DDX60L: variants seen among roughly 807,000 people sequenced by gnomAD.
DDX60L encodes the protein DExD/H-box 60 like.
In DDX60L, 191 loss-of-function variants were observed where a neutral mutation model predicts 211.6. The ratio of observed to expected loss-of-function variants is 0.90; its 90% CI spans 0.80 to 1.02. The LOEUF (loss-of-function observed/expected upper bound fraction) is 1.02. Among genes scored for constraint, DDX60L ranks in the 50% least tolerant of loss-of-function variants. The probability of loss-of-function intolerance (pLI) is 0.00; values close to 1 mark genes in which losing one functional copy is unlikely to be tolerated. For missense variants in DDX60L, 2,007 were observed against 1,984.1 expected, an observed-to-expected ratio of 1.01 and a Z score of -0.22; for synonymous variants, 706 against 694.1, an observed-to-expected ratio of 1.02 and a Z score of -0.27.
chr4:168,363,640 T>C (rs1053046179), intron 36 of DDX60L, among the ~76,000 whole-genome samples: 1 of 152,188 alleles, frequency 6.6e-6, no homozygotes. Flanking sequence ...AAATAGTCTA[T>C]TATAACTACA....
At chr4:168,366,056 A>C (rs1484133696) in intron 36 of DDX60L, among the ~76,000 whole-genome samples, 1 of 152,198 alleles carries the variant, frequency 6.6e-6, no homozygotes, top group Non-Finnish European at 1.5e-5. Flanking sequence ...ACAAATCCAT[A>C]GCTAACATCA....
intron 13 of DDX60L, among the ~76,000 whole-genome samples, chr4:168,429,292 C>T (rs960606689): frequency 1.3e-5 from 2 of 152,024 alleles, no homozygotes; most frequent in Non-Finnish European, 2.9e-5. Flanking sequence ...TTACAGGCAC[C>T]CGCCACCATT....
intron 10 of DDX60L, among the ~76,000 whole-genome samples, chr4:168,437,561 CA>C (rs1257811830): frequency 3.3e-5 from 5 of 152,154 alleles, no homozygotes; most frequent in African/African-American, 1.2e-4. Context: ...AGCCACGATG[CA>C]AAGGAAAGTC....
chr4:168,421,813 T>C lies in DDX60L; in HGVS notation c.2341A>G (p.Lys781Glu). The C allele has an allele frequency of 6.2e-7, 1 of 1,614,168 alleles. No individual in the cohort carries two copies. Among genetic ancestry groups the C allele is most frequent in the Non-Finnish European group, 8.5e-7 (1 of 1,180,020 alleles). The change falls in exon 17 of 38, where the codon AAA becomes GAA. Residue 781 changes from lysine to glutamate, a missense_variant. Physicochemically the swap from Lys to Glu is moderately conservative, Grantham distance 56. Transcript: ENST00000682922. Reference protein sequence around the residue: ...KTYASYYCMEKVLRESDVGVV... With the variant: ...KTYASYYCMEEVLRESDVGVV... ...CCGACATCGCTCTCCCTCAGCACTT[T>C]CTCCATGCAGTAGTAGGAAGCATAG...
intron 29 of DDX60L, among the ~76,000 whole-genome samples, chr4:168,385,197 G>A (rs1329079109): frequency 6.6e-6 from 1 of 152,122 alleles, no homozygotes; most frequent in Non-Finnish European, 1.5e-5. Flanking sequence ...CAATTTCTGG[G>A]GAAGGGAGAA....
At chr4:168,402,144 T>C (rs932822894) in intron 25 of DDX60L, among the ~76,000 whole-genome samples, 2 of 149,518 alleles carry the variant, frequency 1.3e-5, no homozygotes, top group African/African-American at 2.5e-5. Context: ...TTTTTTTTTT[T>C]TGAGACAGGC....
chr4:168,427,397 T>C, intron 13 of DDX60L, 75 bp from the exon 14 acceptor site: 1 of 1,495,466 alleles, frequency 6.7e-7, no homozygotes, highest in Non-Finnish European at 9.0e-7. Context: ...GAGATTATTT[T>C]TTGTGCACTT....
Position 168,472,485 on chromosome 4 carries a change from T to G in DDX60L, c.44A>C (p.Gln15Pro), listed in dbSNP as rs1345103832. 6.4e-7 allele frequency: 1 copy of G among 1,573,452 alleles called. No individual in the cohort carries two copies. The highest frequency in any genetic ancestry group is 8.6e-7 in the Non-Finnish European group (1 of 1,157,934). Residue 15 changes from glutamine to proline, a missense_variant, in exon 3 of 38, where the codon CAG becomes CCG. Physicochemically the swap from Gln to Pro is moderately conservative, Grantham distance 76 (BLOSUM62 -1). Transcript: ENST00000682922. ...DHAVFFREMT[Q>P]LILNEMPKAG... Reference sequence around the variant, plus strand: ...TTTTGGCATTTCATTCAAAATTAACTGTGTCATTTCCCTGAAAAATACTGC... The same window carrying G: ...TTTTGGCATTTCATTCAAAATTAACGGTGTCATTTCCCTGAAAAATACTGC...
chr4:168,452,957 T>C (rs1005455686), intron 8 of DDX60L, among the ~76,000 whole-genome samples, 167 bp downstream of exon 8: 3 of 152,176 alleles, frequency 2.0e-5, no homozygotes, highest in African/African-American at 7.2e-5. Flanking sequence ...AAAACAGATA[T>C]ACTGTGGTTT....
At chr4:168,453,076 G>T (rs1483701432) in intron 8 of DDX60L, 48 bp downstream of exon 8, 1 of 1,526,970 alleles carries the variant, frequency 6.5e-7, no homozygotes, top group East Asian at 2.3e-5. Context: ...AGGTGATCAT[G>T]GTTTTCATCT....
chr4:168,370,940 A>C (rs988691228), intron 36 of DDX60L, among the ~76,000 whole-genome samples: 4 of 151,896 alleles, frequency 2.6e-5, no homozygotes, highest in Non-Finnish European at 4.4e-5. Context: ...AATGTTTTCC[A>C]TGTCAAAGAA....
chr4:168,472,307 T>C (rs1267449678), intron 3 of DDX60L, 148 bp downstream of exon 3: 4 of 639,198 alleles, frequency 6.3e-6, no homozygotes, highest in Non-Finnish European at 1.1e-5. Context: ...AAGACAACTA[T>C]AGGAAGAAGA....
intron 4 of DDX60L, among the ~76,000 whole-genome samples, chr4:168,467,459 AAAT>A: frequency 6.6e-6 from 1 of 151,762 alleles, no homozygotes. Context: ...AAAAAAAAAA[AAAT>A]GAAAGAAGGA....
At chr4:168,376,604 C>T (rs1432419326) in intron 33 of DDX60L, among the ~76,000 whole-genome samples, 1 of 151,898 alleles carries the variant, frequency 6.6e-6, no homozygotes, top group Non-Finnish European at 1.5e-5. Context: ...TGGACCAAGA[C>T]AAAAGAATAA....
chr4:168,401,938 T>C (rs1260251558), intron 25 of DDX60L, among the ~76,000 whole-genome samples: 3 of 152,188 alleles, frequency 2.0e-5, no homozygotes, highest in African/African-American at 4.8e-5. Context: ...CACTGTTCTA[T>C]GTGGCTTCAA....
chr4:168,368,567 T>C (rs890959111), intron 36 of DDX60L, among the ~76,000 whole-genome samples: 2 of 152,162 alleles, frequency 1.3e-5, no homozygotes, highest in Non-Finnish European at 2.9e-5. Context: ...CACTGCCTAG[T>C]GGAGCTGTGA....
At chr4:168,421,460 G>C (rs1750595979) in intron 17 of DDX60L, among the ~76,000 whole-genome samples, 1 of 152,136 alleles carries the variant, frequency 6.6e-6, no homozygotes. Context: ...ATCAAGACCA[G>C]CCTAGCCAAC....
rs756735420 is a variant in DDX60L at position 168,427,089 on chromosome 4, T to C, written c.1911A>G (p.Lys637=). 6.9e-6 allele frequency: 11 copies of C among 1,604,732 alleles called. No individual in the cohort carries two copies. Among genetic ancestry groups the C allele is most frequent in the Non-Finnish European group, 9.4e-6 (11 of 1,174,554 alleles). The change falls in exon 14 of 38, where the codon AAA becomes AAG. Residue 637 remains lysine, a synonymous_variant. Coordinates refer to ENST00000682922, the MANE Select transcript of DDX60L (RefSeq NM_001012967.3). Reference sequence around the variant, plus strand: ...CCATACCTTCACCTCGGCAATGTTTTTTCCATGCTTTAAAGCAGGCAATTA... The same window carrying C: ...CCATACCTTCACCTCGGCAATGTTTCTTCCATGCTTTAAAGCAGGCAATTA... The part of the protein sequence containing the change: ...LGLIACFKAW[K]KHCRGEGKIS...
intron 35 of DDX60L, 125 bp from the exon 36 acceptor site, chr4:168,371,888 G>T: frequency 1.1e-6 from 1 of 895,294 alleles, no homozygotes. Context: ...AGTGAAGGAG[G>T]CAGGCAGAGG....
Sources: allele counts gnomAD v4.1 joint callset (sites outside exome capture counted in the v4.1 genomes callset), GRCh38; gene constraint gnomAD v4.1.1; transcripts MANE v1.5; gene names NCBI Gene and HGNC (gene_info 2026-07-23, HGNC 2026-07-21).